Variants in TANC2 observed in about 807,000 individuals in gnomAD.
TANC2 encodes the protein protein TANC2.
TANC2 carries 26 observed loss-of-function variants against 210.5 expected under a neutral mutation model. The ratio of observed to expected loss-of-function variants is 0.12; its 90% CI spans 0.09 to 0.17. The LOEUF (loss-of-function observed/expected upper bound fraction) is 0.17. Among genes scored for constraint, TANC2 ranks in the 10% least tolerant of loss-of-function variants. TANC2 has a pLI of 1.00. For synonymous variants in TANC2, 931 were observed against 967.1 expected (o/e 0.96, Z 0.69); for missense variants, 2,129 against 2,608.9 (o/e 0.82, Z 4.01).
chr17:63,297,806 A>G (rs937220876), intron 9 of TANC2, among the ~76,000 whole-genome samples: 1 of 152,154 alleles, frequency 6.6e-6, no homozygotes, highest in Non-Finnish European at 1.5e-5. Context: ...TTTGCAAATC[A>G]TGTATCTGAT....
Position 63,231,861 on chromosome 17 carries a change from C to T in TANC2, c.770-5953C>T, listed in dbSNP as rs959829379. ...TGATATCCTGAAGTATGTTTTCCAA[C>T]TTGGTTCCATTCTCCCTGTCTCAGG... On this transcript the variant is annotated intron_variant, in intron 7 of 27. Transcript: ENST00000689528. Among the ~76,000 whole-genome samples the T allele has an allele frequency of 7.2e-5, 11 of 152,302 alleles. No individual in the cohort carries two copies. The East Asian group carries it at 1.3e-3, about 19-fold the overall frequency.
chr17:63,009,775 TAAGAGG>T, intron 2 of TANC2, 149 bp downstream of exon 2: 1 of 652,480 alleles, frequency 1.5e-6, no homozygotes. Context: ...TACGCTTTAT[TAAGAGG>T]TAGGAACACT....
intron 11 of TANC2, chr17:63,332,096 T>C: frequency 2.9e-6 from 1 of 349,444 alleles, no homozygotes; most frequent in Non-Finnish European, 5.6e-6. Flanking sequence ...CCTCCCCTGT[T>C]ACCGAGGTAC....
intron 1 of TANC2, among the ~76,000 whole-genome samples, chr17:63,000,802 T>C (rs2033337857): frequency 6.6e-6 from 1 of 152,170 alleles, no homozygotes; most frequent in Admixed American, 6.5e-5. Context: ...CTTCTCCCAC[T>C]TAGCTTCAAT....
intron 3 of TANC2, among the ~76,000 whole-genome samples, chr17:63,087,597 A>T (rs1229748177): frequency 6.6e-6 from 1 of 152,120 alleles, no homozygotes. Flanking sequence ...CAAAATGGTT[A>T]CTTTCCTCTG....
rs776019476 is a variant in TANC2 at position 63,421,196 on chromosome 17, C to T, written c.5466C>T (p.Ser1822=). 4.3e-6 allele frequency: 7 copies of T among 1,613,894 alleles called. No homozygotes were observed. Among genetic ancestry groups the T allele is most frequent in the Admixed American group, 1.7e-5 (1 of 60,002 alleles). Reference sequence around the variant, plus strand: ...ACTCAAAACTAGATCTGGAGCGCTCCTCCAGCCAACTAGGTTCCCCTGATG... The same window carrying T: ...ACTCAAAACTAGATCTGGAGCGCTCTTCCAGCCAACTAGGTTCCCCTGATG... Residue 1822 remains serine, a synonymous_variant, in exon 28 of 28, where the codon TCC becomes TCT. Coordinates refer to ENST00000689528, the Ensembl canonical transcript of TANC2. The surrounding 1 kb of genome is among the most constrained non-coding windows in gnomAD (Gnocchi z 6.9).
intron 7 of TANC2, among the ~76,000 whole-genome samples, chr17:63,222,579 A>C (rs1180417245): frequency 2.0e-5 from 3 of 152,180 alleles, no homozygotes; most frequent in Non-Finnish European, 4.4e-5. Context: ...TGTAGGATTG[A>C]CCGCAAAATG....
chr17:63,251,683 C>G (rs1183299122), intron 8 of TANC2, among the ~76,000 whole-genome samples: 1 of 152,150 alleles, frequency 6.6e-6, no homozygotes, highest in African/African-American at 2.4e-5. Context: ...GGAAAGCTGT[C>G]TAAGCCCAAC....
chr17:63,276,831 T>C (rs1231533174), intron 9 of TANC2, among the ~76,000 whole-genome samples: 1 of 152,214 alleles, frequency 6.6e-6, no homozygotes, highest in Admixed American at 6.5e-5. Flanking sequence ...TGCTTAGAGC[T>C]TTAAACATAT....
At chr17:62,983,399 T>TCATG (rs2032407400) in intron 1 of TANC2, among the ~76,000 whole-genome samples, 1 of 152,148 alleles carries the variant, frequency 6.6e-6, no homozygotes, top group Non-Finnish European at 1.5e-5. Flanking sequence ...GCATATAAGA[T>TCATG]CATGTCATCT....
At chr17:63,280,636 A>G (rs773226084) in intron 9 of TANC2, among the ~76,000 whole-genome samples, 4 of 151,848 alleles carry the variant, frequency 2.6e-5, no homozygotes, top group Admixed American at 6.6e-5. Context: ...TTTTCTTTCC[A>G]CTAAAAATGA....
At chr17:63,358,299 A>G (rs2046836598) in intron 14 of TANC2, among the ~76,000 whole-genome samples, 1 of 152,024 alleles carries the variant, frequency 6.6e-6, no homozygotes, top group Non-Finnish European at 1.5e-5. Context: ...CGTTACATAG[A>G]TGTATCGTTG....
chr17:63,403,010 A>G (rs763842507), intron 19 of TANC2, among the ~76,000 whole-genome samples: 4 of 152,230 alleles, frequency 2.6e-5, no homozygotes, highest in Admixed American at 1.3e-4. Flanking sequence ...GCCAAATGAC[A>G]TCATAACCTA....
intron 19 of TANC2, 21 bp downstream of exon 19, chr17:63,398,935 C>T (rs181267887): frequency 4.3e-5 from 66 of 1,537,384 alleles, no homozygotes; most frequent in African/African-American, 1.9e-4. Context: ...TGGACGTTGC[C>T]CTCAAGAATG....
At chr17:63,354,813 A>C in exon 14 of TANC2, 1 of 1,579,928 alleles carries the variant, frequency 6.3e-7, no homozygotes, top group Non-Finnish European at 8.6e-7. Flanking sequence ...TTTCCATAGG[A>C]TTTTTTTGGA....
chr17:63,415,679 G>C lies in TANC2; in HGVS notation c.4167+5G>C. ...CGGTGTCGCAGGAAAATGAACGTAAGTCCCTGTCACCCCAACTCCTTTCTG... is the reference window on the plus strand; with the variant it reads ...CGGTGTCGCAGGAAAATGAACGTAACTCCCTGTCACCCCAACTCCTTTCTG... On this transcript the variant is annotated splice_donor_5th_base_variant and intron_variant, in intron 26 of 27. Transcript: ENST00000689528. 1.9e-6 allele frequency: 3 copies of C among 1,612,016 alleles called. No homozygotes were observed. The highest frequency in any genetic ancestry group is 2.5e-6 in the Non-Finnish European group (3 of 1,179,036).
intron 18 of TANC2, among the ~76,000 whole-genome samples, chr17:63,398,280 T>C (rs1412134706): frequency 1.3e-5 from 2 of 151,596 alleles, no homozygotes; most frequent in Non-Finnish European, 2.9e-5. Flanking sequence ...CCCACATCTC[T>C]GGGGAAGAAA....
chr17:63,416,948 A>G (rs927056470), intron 26 of TANC2, among the ~76,000 whole-genome samples: 3 of 152,256 alleles, frequency 2.0e-5, no homozygotes, highest in Non-Finnish European at 4.4e-5. Flanking sequence ...GGATGAGGCA[A>G]AGCTCAGAAG....
At chr17:63,185,410 C>T (rs1030294736) in intron 5 of TANC2, among the ~76,000 whole-genome samples, 2 of 152,118 alleles carry the variant, frequency 1.3e-5, no homozygotes, top group African/African-American at 4.8e-5. Flanking sequence ...ACATTTTCAA[C>T]TTGGGCTATG....
Sources: allele counts gnomAD v4.1 joint callset (sites outside exome capture counted in the v4.1 genomes callset), GRCh38; gene constraint gnomAD v4.1.1; non-coding constraint Gnocchi (gnomAD v3.1); transcripts MANE v1.5; gene names NCBI Gene and HGNC (gene_info 2026-07-23, HGNC 2026-07-21).